Variants in RAB3B observed in about 807,000 individuals in gnomAD.
RAB3B encodes ras-related protein Rab-3B.
A neutral mutation model predicts 20.5 loss-of-function variants in RAB3B; 11 were observed. The observed-to-expected ratio is 0.54, with a 90% CI of 0.34 to 0.89. The LOEUF (loss-of-function observed/expected upper bound fraction) is 0.89. Among genes scored for constraint, RAB3B ranks in the 40% least tolerant of loss-of-function variants. RAB3B has a pLI of 0.02. For missense variants in RAB3B, 225 were observed against 280.9 expected (o/e 0.80, Z 1.42); for synonymous variants, 99 against 106.3 (o/e 0.93, Z 0.42).
chr1:51,970,069 CAA>C (rs112681651), intron 2 of RAB3B, among the ~76,000 whole-genome samples: 2 of 135,274 alleles, frequency 1.5e-5, no homozygotes, highest in African/African-American at 2.7e-5. Context: ...GACCCTATCT[CAA>C]AAAAAAAAAA....
At chr1:51,978,869 G>A (rs1002266714) in intron 1 of RAB3B, among the ~76,000 whole-genome samples, 1 of 152,192 alleles carries the variant, frequency 6.6e-6, no homozygotes, top group Admixed American at 6.5e-5. Flanking sequence ...GTAAGGATAA[G>A]GAGCTGATTA....
At chr1:51,949,548 C>T (rs539928759) in intron 2 of RAB3B, among the ~76,000 whole-genome samples, 1 of 152,224 alleles carries the variant, frequency 6.6e-6, no homozygotes, top group African/African-American at 2.4e-5. Context: ...CCAGCCATTC[C>T]GAGTGCTGAC....
At chr1:51,986,300 G>A (rs577788827) in intron 1 of RAB3B, among the ~76,000 whole-genome samples, 4 of 152,014 alleles carry the variant, frequency 2.6e-5, no homozygotes, top group African/African-American at 7.2e-5. Context: ...ACAGACACCC[G>A]CCACCATACC....
intron 2 of RAB3B, among the ~76,000 whole-genome samples, chr1:51,972,206 T>G (rs925643050): frequency 2.6e-5 from 4 of 152,144 alleles, no homozygotes; most frequent in African/African-American, 9.7e-5. Context: ...AATTTAAAAT[T>G]TATTAGCTTA....
intron 2 of RAB3B, among the ~76,000 whole-genome samples, chr1:51,957,746 T>A (rs1274509794): frequency 6.6e-6 from 1 of 152,120 alleles, no homozygotes; most frequent in Non-Finnish European, 1.5e-5. Context: ...CCTGGTGAGC[T>A]AGAGCTGTAG....
chr1:51,953,317 C>T (rs1332803550), intron 2 of RAB3B, among the ~76,000 whole-genome samples: 1 of 152,074 alleles, frequency 6.6e-6, no homozygotes, highest in East Asian at 1.9e-4. Flanking sequence ...ACCCAACTCC[C>T]CTTTGAGACA....
intron 2 of RAB3B, among the ~76,000 whole-genome samples, chr1:51,944,767 G>A (rs78380770): frequency 0.055 from 8,362 of 152,230 alleles, 331 homozygotes; most frequent in Non-Finnish European, 0.083. Flanking sequence ...ACAGATGAGC[G>A]AAGAAAATGG....
At chr1:51,959,894 T>C (rs1684763133) in intron 2 of RAB3B, among the ~76,000 whole-genome samples, 2 of 152,164 alleles carry the variant, frequency 1.3e-5, no homozygotes, top group Non-Finnish European at 2.9e-5. Context: ...AAAATAAAGG[T>C]TTTGTTTTTT....
At chr1:51,982,366 T>C (rs1396708358) in intron 1 of RAB3B, among the ~76,000 whole-genome samples, 1 of 152,138 alleles carries the variant, frequency 6.6e-6, no homozygotes, top group Non-Finnish European at 1.5e-5. Context: ...TGACCCATGA[T>C]TGCACCACTG....
At chr1:51,934,468 A>C in intron 3 of RAB3B, among the ~76,000 whole-genome samples, 1 of 152,176 alleles carries the variant, frequency 6.6e-6, no homozygotes, top group Non-Finnish European at 1.5e-5. Flanking sequence ...GATGATTATA[A>C]GACTTTTAAA....
At chr1:51,955,626 C>G (rs1251776447) in intron 2 of RAB3B, among the ~76,000 whole-genome samples, 1 of 152,102 alleles carries the variant, frequency 6.6e-6, no homozygotes, top group Non-Finnish European at 1.5e-5. Flanking sequence ...TCTCAAACTC[C>G]CGACCTCAAG....
intron 3 of RAB3B, among the ~76,000 whole-genome samples, chr1:51,933,667 TACA>T (rs1684358066): frequency 1.3e-5 from 2 of 152,096 alleles, no homozygotes; most frequent in Non-Finnish European, 2.9e-5. Flanking sequence ...CATGGGAGGA[TACA>T]ACAAGAAGCT....
At chr1:51,980,785 G>A (rs1372513677) in intron 1 of RAB3B, 6 of 752,466 alleles carry the variant, frequency 8.0e-6, no homozygotes, top group Middle Eastern at 3.7e-4. Context: ...TAGACCTGTA[G>A]GTGCTGCCCC....
intron 2 of RAB3B, among the ~76,000 whole-genome samples, chr1:51,943,019 C>T (rs1684515255): frequency 1.3e-5 from 2 of 152,070 alleles, no homozygotes; most frequent in Admixed American, 1.3e-4. Flanking sequence ...CCAGCCATTC[C>T]CCCATCTCTC....
intron 2 of RAB3B, among the ~76,000 whole-genome samples, chr1:51,962,629 C>T (rs1684799367): frequency 6.6e-6 from 1 of 152,214 alleles, no homozygotes; most frequent in Admixed American, 6.5e-5. Context: ...TGCCATATAG[C>T]TCAGTACATC....
At chr1:51,920,153 C>T (rs1474189917) in intron 4 of RAB3B, 39 bp from the exon 5 acceptor site, 1 of 1,554,952 alleles carries the variant, frequency 6.4e-7, no homozygotes, top group Non-Finnish European at 8.8e-7. Flanking sequence ...CTTTTCCCAT[C>T]CCTTCTGCTG....
chr1:51,938,299 T>A (rs1684439382), intron 2 of RAB3B, among the ~76,000 whole-genome samples: 1 of 152,160 alleles, frequency 6.6e-6, no homozygotes, highest in Non-Finnish European at 1.5e-5. Flanking sequence ...GCATTAAAAA[T>A]GTTCATACTC....
chr1:51,971,010 C>CAAAAAAAA (rs3074914), intron 2 of RAB3B, among the ~76,000 whole-genome samples: 67 of 54,994 alleles, frequency 1.2e-3, no homozygotes, highest in Non-Finnish European at 1.7e-3. Context: ...GACTCCGTCT[C>CAAAAAAAA]AAAAAAAAAA....
chr1:51,948,819 T>C (rs1684596777), intron 2 of RAB3B, among the ~76,000 whole-genome samples: 1 of 152,244 alleles, frequency 6.6e-6, no homozygotes, highest in Non-Finnish European at 1.5e-5. Flanking sequence ...TCTGTCTCCC[T>C]TGCCAAACTA....
Sources: gnomAD v4.1 joint callset for allele counts (sites outside exome capture counted in the v4.1 genomes callset) on GRCh38, gnomAD v4.1.1 for gene constraint, MANE v1.5 for transcripts, NCBI Gene and HGNC (gene_info 2026-07-23, HGNC 2026-07-21) for gene names.